LECT2: variants seen among roughly 807,000 people sequenced by gnomAD.
The protein encoded by LECT2 is leukocyte cell derived chemotaxin 2.
LECT2 carries 11 observed loss-of-function variants against 16.6 expected under a neutral mutation model. The ratio of observed to expected loss-of-function variants is 0.66; its 90% confidence interval spans 0.42 to 1.09. The LOEUF (loss-of-function observed/expected upper bound fraction) is 1.09, where lower values mean the gene tolerates loss of function less well. Ranked by LOEUF, LECT2 falls within the 50% of genes least tolerant of loss-of-function variation. The probability of loss-of-function intolerance (pLI) is 0.00; values close to 1 mark genes in which losing one functional copy is unlikely to be tolerated. For missense variants in LECT2, 173 were observed against 184.2 expected (o/e 0.94, Z 0.35); for synonymous variants, 54 against 64.8 (o/e 0.83, Z 0.80).
At chr5:135,949,146 C>T (rs569533892) in intron 3 of LECT2, among the ~76,000 whole-genome samples, 2 of 152,260 alleles carry the variant, frequency 1.3e-5, no homozygotes, top group South Asian at 4.1e-4. Flanking sequence ...GAAGGAAGAC[C>T]TAAGTAAGTG....
chr5:135,953,031 T>A, intron 1 of LECT2, 64 bp from the exon 2 acceptor site: 1 of 1,055,010 alleles, frequency 9.5e-7, no homozygotes, highest in African/African-American at 1.6e-5. Flanking sequence ...CCATTTGCCT[T>A]ATCAGTCACA....
At chr5:135,949,055 G>GTTTTAGGTTCGTAAAACTCCA (rs1170942085) in intron 3 of LECT2, among the ~76,000 whole-genome samples, 2 of 152,118 alleles carry the variant, frequency 1.3e-5, no homozygotes, top group African/African-American at 4.8e-5. Flanking sequence ...ACTCCATCAG[G>GTTTTAGGTTCGTAAAACTCCA]TAGGTTTTAC....
rs1161247827 is a variant in LECT2 at position 135,952,877 on chromosome 5, G to A, written c.137C>T (p.Ala46Val). Residue 46 changes from alanine to valine, a missense_variant, in exon 2 of 4, where the codon GCT becomes GTT. Coordinates refer to ENST00000274507, the MANE Select transcript of LECT2 (RefSeq NM_002302.3). ...TGGTTGTGCAACTTCATACCTTTGA[G>A]CAGAGTACTGTCCACAGCCATGGCG... ...CDRHGCGQYS[A>V]QRSQRPHQGV... The A allele has an allele frequency of 1.2e-6, 2 of 1,611,172 alleles. No individual in the cohort carries two copies. Among genetic ancestry groups the A allele is most frequent in the African/African-American group, 2.7e-5 (2 of 74,888 alleles).
In LECT2 at chr5:135,952,903, G is replaced by C; in HGVS notation, c.111C>G (p.Asp37Glu). The change falls in exon 2 of 4, where the codon GAC becomes GAG. Residue 37 changes from aspartate (D) to glutamate (E), a missense_variant. Asp to Glu is a conservative substitution (Grantham distance 45). Coordinates refer to ENST00000274507, the MANE Select transcript of LECT2 (RefSeq NM_002302.3). ...GKSSNEIRTC[D>E]RHGCGQYSAQ... ...CAGAGTACTGTCCACAGCCATGGCG[G>C]TCACACGTCCGGATCTCATTGGAAG... The C allele has an allele frequency of 6.2e-7, 1 of 1,614,046 alleles. No individual in the cohort carries two copies.
intron 2 of LECT2, 177 bp from the exon 3 acceptor site, chr5:135,951,545 C>A: frequency 1.9e-6 from 1 of 527,064 alleles, no homozygotes. Flanking sequence ...ACCTCCCTCC[C>A]CGCAGGTGCT....
chr5:135,947,189 T>G lies in LECT2; in HGVS notation c.*142A>C. The G allele has an allele frequency of 1.4e-6, 1 of 722,340 alleles. No homozygotes were observed. Among genetic ancestry groups the G allele is most frequent in the Non-Finnish European group, 2.3e-6 (1 of 433,528 alleles). 44.7% of individuals were successfully genotyped at this position (722,340 alleles called of 1,614,324 possible). On this transcript the variant is annotated 3_prime_UTR_variant, in exon 4 of 4. Coordinates refer to ENST00000274507, the MANE Select transcript of LECT2 (RefSeq NM_002302.3). ...TGTTTTGATACAGGCATGCAATGTG[T>G]AATAATCATGTCATGGAAAATGGGG... is the stretch of plus-strand genomic sequence containing the variant.
At chr5:135,950,427 T>C (rs1763773337) in intron 3 of LECT2, among the ~76,000 whole-genome samples, 1 of 152,220 alleles carries the variant, frequency 6.6e-6, no homozygotes, top group Non-Finnish European at 1.5e-5. Flanking sequence ...ATAGTGATTA[T>C]CTTGCTGGGA....
chr5:135,951,159 C>T (rs1442973525), intron 3 of LECT2, 64 bp downstream of exon 3: 1 of 1,455,148 alleles, frequency 6.9e-7, no homozygotes, highest in Non-Finnish European at 9.6e-7. Context: ...ATGGAACCTG[C>T]ATTAAATAAA....
chr5:135,947,792 A>G (rs950005104), intron 3 of LECT2, among the ~76,000 whole-genome samples: 7 of 152,194 alleles, frequency 4.6e-5, no homozygotes, highest in African/African-American at 1.7e-4. Flanking sequence ...ATTCTGATAG[A>G]ATGATTGGAC....
At chr5:135,949,516 G>T (rs1373078027) in intron 3 of LECT2, among the ~76,000 whole-genome samples, 1 of 152,172 alleles carries the variant, frequency 6.6e-6, no homozygotes, top group Non-Finnish European at 1.5e-5. Context: ...TAGATCTCCA[G>T]GAATTAGTGT....
intron 2 of LECT2, 32 bp from the exon 3 acceptor site, chr5:135,951,400 G>A (rs748446993): frequency 1.2e-6 from 2 of 1,603,282 alleles, no homozygotes; most frequent in Non-Finnish European, 1.7e-6. Flanking sequence ...ACAGACTGAG[G>A]AACTGCCTTA....
intron 2 of LECT2, among the ~76,000 whole-genome samples, chr5:135,952,336 A>G (rs1763806956): frequency 6.6e-6 from 1 of 152,316 alleles, no homozygotes; most frequent in Admixed American, 6.5e-5. Flanking sequence ...CTGAAAATTC[A>G]CAAGTGTGAC....
intron 3 of LECT2, among the ~76,000 whole-genome samples, chr5:135,950,370 C>T (rs1021972714): frequency 6.6e-5 from 10 of 152,138 alleles, no homozygotes; most frequent in African/African-American, 2.4e-4. Flanking sequence ...TCTATTTATA[C>T]CATTTTTAGA....
intron 1 of LECT2, among the ~76,000 whole-genome samples, chr5:135,953,368 A>AT (rs527369752): frequency 6.6e-6 from 1 of 151,926 alleles, no homozygotes; most frequent in African/African-American, 2.4e-5. Flanking sequence ...CACCCAGCTA[A>AT]TTTTTGTATT....
At chr5:135,951,515 C>G (rs1390222638) in intron 2 of LECT2, 147 bp from the exon 3 acceptor site, 3 of 657,314 alleles carry the variant, frequency 4.6e-6, no homozygotes, top group Non-Finnish European at 7.5e-6. Context: ...GGATGCCTCA[C>G]TCTGTTTAGC....
chr5:135,949,402 T>C (rs182966262), intron 3 of LECT2, among the ~76,000 whole-genome samples: 131 of 152,234 alleles, frequency 8.6e-4, no homozygotes, highest in African/African-American at 2.9e-3. Flanking sequence ...TCTTGGTAGA[T>C]TGGAGGATGC....
In LECT2 at chr5:135,951,460, G is replaced by A. The variant is rs184728913; in HGVS notation, c.144-92C>T. 307 of 1,234,124 alleles carry A rather than the reference G, an allele frequency of 2.5e-4. 2 individuals carry two copies. In the African/African-American group the frequency reaches 3.2e-3, roughly 13 times the overall value. The allele number at this position is 1,234,124 out of a possible 1,614,324, so 76.4% of individuals were successfully genotyped here. ...TGGTGTTAGCCCACTGTTTGCAGAC[G>A]AGGTACCAAAGCTTGAAGCTGCCAG... On this transcript the variant is annotated intron_variant, in intron 2 of 3. Transcript: ENST00000274507.
intron 1 of LECT2, 114 bp from the exon 2 acceptor site, chr5:135,953,081 C>T (rs1763817704): frequency 3.0e-6 from 2 of 674,670 alleles, no homozygotes; most frequent in Non-Finnish European, 5.2e-6. Flanking sequence ...GTAGTTTTCC[C>T]TGGACTTTAT....
intron 3 of LECT2, among the ~76,000 whole-genome samples, chr5:135,948,737 C>T (rs1399164460): frequency 4.0e-5 from 6 of 150,956 alleles, no homozygotes; most frequent in African/African-American, 4.9e-5. Context: ...TGCAGTGGCG[C>T]GATCTCGGCT....
Sources: gnomAD v4.1 joint callset for allele counts (sites outside exome capture counted in the v4.1 genomes callset) on GRCh38, gnomAD v4.1.1 for gene constraint, MANE v1.5 for transcripts, NCBI Gene and HGNC (gene_info 2026-07-23, HGNC 2026-07-21) for gene names.